The following ASB2 variants were observed in gnomAD, a reference collection of about 807,000 sequenced individuals.
ASB2 encodes ankyrin repeat and SOCS box containing 2, also known as ankyrin repeat and SOCS box protein 2.
ASB2 carries 58 observed loss-of-function variants against 62.4 expected under a neutral mutation model. That is an observed-to-expected ratio of 0.93 (90% CI 0.75 to 1.16). The LOEUF is 1.16. ASB2 is among the 50% of genes most tolerant of loss of function. The pLI is 0.00. For synonymous variants in ASB2, 386 were observed against 385.3 expected, an observed-to-expected ratio of 1.00 and a Z score of -0.02; for missense variants, 928 against 887.9, an observed-to-expected ratio of 1.05 and a Z score of -0.57.
intron 1 of ASB2, among the ~76,000 whole-genome samples, chr14:93,968,001 G>A (rs1567032882): frequency 6.6e-6 from 1 of 152,216 alleles, no homozygotes; most frequent in African/African-American, 2.4e-5. Context: ...TGTGTAGGCA[G>A]CTTGTAAGGG....
At position 93,951,037 on chromosome 14, in the gene ASB2, C is replaced by G; in HGVS notation, c.842G>C (p.Ser281Thr). 1 of 1,614,138 alleles carries G rather than the reference C, an allele frequency of 6.2e-7. No individual in the cohort carries two copies. The highest frequency in any genetic ancestry group is 8.5e-7 in the Non-Finnish European group (1 of 1,180,028). Residue 281 changes from serine to threonine, a missense_variant, in exon 6 of 10, where the codon AGT (serine) becomes ACT (threonine). Physicochemically the swap from Ser to Thr is moderately conservative, Grantham distance 58. Transcript: ENST00000555019. ...GAACCTCAAGGCCTCCAACTGTCCACTCTGGGCGGCCACGAACAAGGGGGT... is the reference window on the plus strand; with the variant it reads ...GAACCTCAAGGCCTCCAACTGTCCAGTCTGGGCGGCCACGAACAAGGGGGT... The part of the protein sequence containing the change: ...GITPLFVAAQ[S>T]GQLEALRFLA...
chr14:93,948,117 C>T (rs149876333), intron 6 of ASB2: 71 of 154,148 alleles, frequency 4.6e-4, no homozygotes, highest in Middle Eastern at 1.7e-3. Context: ...TGCTGAACAT[C>T]GTGCTTTCCA....
chr14:93,935,497 G>A (rs1000853992), intron 9 of ASB2, among the ~76,000 whole-genome samples: 5 of 152,210 alleles, frequency 3.3e-5, no homozygotes, highest in Admixed American at 1.3e-4. Flanking sequence ...CTGTGCTTGG[G>A]CCAGATATGC....
intron 6 of ASB2, among the ~76,000 whole-genome samples, chr14:93,948,707 C>G (rs1257060711): frequency 2.0e-5 from 3 of 151,288 alleles, no homozygotes. Context: ...CCAAGGCGGG[C>G]AGATCACTTG....
chr14:93,957,229 T>A, intron 2 of ASB2: 1 of 1,230,624 alleles, frequency 8.1e-7, no homozygotes, highest in Middle Eastern at 3.2e-4. Flanking sequence ...GGTCGGCAGG[T>A]CCCAGGATGA....
intron 8 of ASB2, among the ~76,000 whole-genome samples, 174 bp downstream of exon 8, chr14:93,938,922 GCAGGTTAACCAC>G (rs1335086647): frequency 6.6e-6 from 1 of 152,202 alleles, no homozygotes; most frequent in East Asian, 1.9e-4. Context: ...TACCCAGGAC[GCAGGTTAACCAC>G]CGTGCTCTGC....
At chr14:93,945,423 G>A (rs1318957051) in intron 7 of ASB2, among the ~76,000 whole-genome samples, 1 of 152,244 alleles carries the variant, frequency 6.6e-6, no homozygotes. Context: ...GAGTGGGTGA[G>A]CATAGGACGC....
chr14:93,935,560 T>C (rs1888244242), intron 9 of ASB2, among the ~76,000 whole-genome samples: 1 of 152,066 alleles, frequency 6.6e-6, no homozygotes, highest in Non-Finnish European at 1.5e-5. Context: ...GACGGTGCCC[T>C]CTGAGTGAGG....
intron 1 of ASB2, among the ~76,000 whole-genome samples, chr14:93,966,373 G>T (rs1364652051): frequency 6.6e-6 from 1 of 152,224 alleles, no homozygotes; most frequent in Non-Finnish European, 1.5e-5. Context: ...TATCCAAAGA[G>T]TTATAACAGA....
chr14:93,951,046 G>C lies in ASB2; in HGVS notation c.833C>G (p.Ala278Gly), dbSNP rs763459503. ...GGCCTCCAACTGTCCACTCTGGGCG[G>C]CCACGAACAAGGGGGTGATGCCGTA... ...NAYGITPLFV[A>G]AQSGQLEALR... The change falls in exon 6 of 10, where the codon GCC (alanine) becomes GGC (glycine). Residue 278 changes from alanine to glycine, a missense_variant. Transcript: ENST00000555019. 5.0e-6 allele frequency: 8 copies of C among 1,614,148 alleles called. No individual in the cohort carries two copies. The highest frequency in any genetic ancestry group is 6.8e-6 in the Non-Finnish European group (8 of 1,180,040).
intron 7 of ASB2, among the ~76,000 whole-genome samples, chr14:93,943,450 G>A (rs1888608286): frequency 6.6e-6 from 1 of 152,180 alleles, no homozygotes; most frequent in Non-Finnish European, 1.5e-5. Context: ...TTCGAGACCA[G>A]CCCGGGCAAC....
chr14:93,951,193 G>A lies in ASB2; in HGVS notation c.686C>T (p.Ala229Val). 6.2e-7 allele frequency: 1 copy of A among 1,612,858 alleles called. No individual in the cohort carries two copies. The highest frequency in any genetic ancestry group is 1.1e-5 in the South Asian group (1 of 91,080). Residue 229 changes from alanine to valine, a missense_variant, in exon 6 of 10, where the codon GCA becomes GTA. Ala to Val is a moderately conservative substitution (Grantham distance 64, BLOSUM62 0). Transcript: ENST00000555019. ...GCGGTTGCAGCGGTGGTTGGTGTCT[G>A]CATTGTGCTGCACCAGAATCTTCAC... ...EAVKILVQHN[A>V]DTNHRCNRGW...
At position 93,954,304 on chromosome 14, in the gene ASB2, G is replaced by C. The variant is rs756086903; in HGVS notation, c.478+13C>G. The C allele has an allele frequency of 3.7e-6, 6 of 1,610,000 alleles. No homozygotes were observed. In the South Asian group the frequency reaches 5.5e-5, roughly 15 times the overall value. On this transcript the variant is annotated intron_variant, in intron 4 of 9. Coordinates refer to ENST00000555019, the MANE Select transcript of ASB2 (RefSeq NM_001202429.2). Reference sequence around the variant, plus strand: ...TTTCCCACCTCTTGCCACCGTCAGAGCCCAGCCCTCACCTCGCTGCAGGAC... The same window carrying C: ...TTTCCCACCTCTTGCCACCGTCAGACCCCAGCCCTCACCTCGCTGCAGGAC...
At chr14:93,954,140 G>T in intron 4 of ASB2, 177 bp downstream of exon 4, 1 of 607,656 alleles carries the variant, frequency 1.6e-6, no homozygotes, top group East Asian at 2.8e-5. Context: ...GCAGCAGGGG[G>T]TGGGGACAAC....
At chr14:93,935,926 A>G (rs936833618) in intron 9 of ASB2, among the ~76,000 whole-genome samples, 2 of 152,394 alleles carry the variant, frequency 1.3e-5, no homozygotes, top group Admixed American at 1.3e-4. Context: ...TGGATAAAAA[A>G]TAATGTGGTT....
intron 5 of ASB2, among the ~76,000 whole-genome samples, chr14:93,952,122 A>G (rs1232790915): frequency 6.6e-6 from 1 of 152,258 alleles, no homozygotes; most frequent in Non-Finnish European, 1.5e-5. Context: ...TGTTTCAAAT[A>G]GAACCATAGG....
Position 93,956,750 on chromosome 14 carries a change from G to A in ASB2, c.311+16C>T, listed in dbSNP as rs1326235488. Reference sequence around the variant, plus strand: ...GTGAACTTGGATGGTCCTGGGGCCAGACAGGAGTCACTTACGCCAGCTGGG... The same window carrying A: ...GTGAACTTGGATGGTCCTGGGGCCAAACAGGAGTCACTTACGCCAGCTGGG... On this transcript the variant is annotated intron_variant, in intron 3 of 9. Transcript: ENST00000555019. The A allele has an allele frequency of 6.2e-7, 1 of 1,614,028 alleles. No homozygotes were observed. The highest frequency in any genetic ancestry group is 1.1e-5 in the South Asian group (1 of 91,078).
chr14:93,942,714 GA>G (rs1171740196), intron 7 of ASB2, among the ~76,000 whole-genome samples: 3 of 152,246 alleles, frequency 2.0e-5, no homozygotes, highest in Non-Finnish European at 4.4e-5. Context: ...GGGCAGTGGG[GA>G]AACTGGGAGG....
chr14:93,973,279 T>C (rs1889813287), intron 1 of ASB2, among the ~76,000 whole-genome samples: 1 of 152,204 alleles, frequency 6.6e-6, no homozygotes, highest in African/African-American at 2.4e-5. Context: ...ATGGAGCGCC[T>C]CTTGCTGATC....
Sources: gnomAD v4.1 joint callset for allele counts (sites outside exome capture counted in the v4.1 genomes callset) on GRCh38, gnomAD v4.1.1 for gene constraint, MANE v1.5 for transcripts, NCBI Gene and HGNC (gene_info 2026-07-23, HGNC 2026-07-21) for gene names.